The following ZFHX4 variants were observed in gnomAD, a reference collection of about 807,000 sequenced individuals.
The protein encoded by ZFHX4 is zinc finger homeobox 4.
A neutral mutation model predicts 267.6 loss-of-function variants in ZFHX4; 56 were observed. The ratio of observed to expected loss-of-function variants is 0.21; its 90% CI spans 0.17 to 0.26. The LOEUF (loss-of-function observed/expected upper bound fraction) is 0.26, where lower values mean the gene tolerates loss of function less well. Ranked by LOEUF, ZFHX4 falls within the 10% of genes least tolerant of loss-of-function variation. The pLI, the probability that ZFHX4 is intolerant of heterozygous loss-of-function variation, is 1.00. For synonymous variants in ZFHX4, 1,778 were observed against 1,665.6 expected (o/e 1.07, Z -1.64); for missense variants, 4,332 against 4,420.0 (o/e 0.98, Z 0.56).
At chr8:76,734,477 C>G (rs888292773) in intron 3 of ZFHX4, among the ~76,000 whole-genome samples, 3 of 152,096 alleles carry the variant, frequency 2.0e-5, no homozygotes, top group Non-Finnish European at 4.4e-5. Flanking sequence ...GTAATTTGCA[C>G]TGACATTTGA....
intron 4 of ZFHX4, among the ~76,000 whole-genome samples, chr8:76,798,885 C>T (rs532856160): frequency 1.3e-5 from 2 of 152,204 alleles, no homozygotes; most frequent in East Asian, 3.9e-4. Flanking sequence ...CGGTGTCATA[C>T]TTACAGCAGA....
Position 76,835,227 on chromosome 8 carries a change from A to G in ZFHX4, c.3394+1821A>G, listed in dbSNP as rs1015162726. 2.4e-4 allele frequency among the ~76,000 whole-genome samples: 14 copies of G among 59,084 alleles called. 1 individual carries two copies. Among genetic ancestry groups the G allele is most frequent in the African/African-American group, 1.1e-3 (12 of 10,758 alleles). 38.8% of individuals were successfully genotyped at this position (59,084 alleles called of 152,430 possible). A position where few individuals can be genotyped will look rare whatever the true frequency, so the allele number is the denominator to read the frequency against. On this transcript the variant is annotated intron_variant, in intron 5 of 10. Coordinates refer to ENST00000651372, the MANE Select transcript of ZFHX4 (RefSeq NM_024721.5). The stretch of plus-strand genomic sequence containing the variant: ...CTTTGGTGTATATATATGTATATAT[A>G]TATATATATATATGTATATATATAT...
intron 4 of ZFHX4, among the ~76,000 whole-genome samples, chr8:76,785,316 G>A (rs1482309659): frequency 6.6e-6 from 1 of 151,968 alleles, no homozygotes; most frequent in Non-Finnish European, 1.5e-5. Context: ...TATTTTGAAA[G>A]ATATTTATTC....
chr8:76,688,002 C>T (rs1807734854), intron 1 of ZFHX4, among the ~76,000 whole-genome samples: 1 of 152,154 alleles, frequency 6.6e-6, no homozygotes, highest in African/African-American at 2.4e-5. Flanking sequence ...AGAAAACAAG[C>T]AGGGGCTCAG....
intron 4 of ZFHX4, among the ~76,000 whole-genome samples, chr8:76,784,341 G>T (rs752540917): frequency 2.6e-5 from 4 of 151,672 alleles, no homozygotes; most frequent in African/African-American, 4.8e-5. Context: ...CTCAGTAAAT[G>T]TAAAAAAAAA....
At chr8:76,730,076 C>T (rs1324547569) in intron 3 of ZFHX4, among the ~76,000 whole-genome samples, 1 of 152,108 alleles carries the variant, frequency 6.6e-6, no homozygotes, top group East Asian at 1.9e-4. Flanking sequence ...AAGTAATTTA[C>T]TTCTGGAATA....
intron 4 of ZFHX4, among the ~76,000 whole-genome samples, chr8:76,795,390 A>C (rs890993991): frequency 6.6e-6 from 1 of 151,926 alleles, no homozygotes; most frequent in Non-Finnish European, 1.5e-5. Context: ...CCTATTGCCT[A>C]AGCCACCTGA....
At chr8:76,797,401 C>T (rs1271037650) in intron 4 of ZFHX4, among the ~76,000 whole-genome samples, 1 of 151,972 alleles carries the variant, frequency 6.6e-6, no homozygotes, top group East Asian at 1.9e-4. Flanking sequence ...TCTGGAAATG[C>T]AGAATGAATC....
At chr8:76,748,520 C>T (rs151007731) in intron 3 of ZFHX4, among the ~76,000 whole-genome samples, 4 of 152,268 alleles carry the variant, frequency 2.6e-5, no homozygotes, top group African/African-American at 9.6e-5. Context: ...CTGTAGCCTC[C>T]AAGTCCTGGA....
rs768065762 is a variant in ZFHX4, at chr8:76,852,156, G to A, written c.5235G>A (p.Gly1745=). The change falls in exon 10 of 11, where the codon GGG becomes GGA. Residue 1745 remains glycine, a synonymous_variant. Coordinates refer to ENST00000651372, the MANE Select transcript of ZFHX4 (RefSeq NM_024721.5). Reference sequence around the variant, plus strand: ...TTCTCTTTCCATTTTATATACCTGGGACGGAGTTCAGCTTGGGGCCAGATT... The same window carrying A: ...TTCTCTTTCCATTTTATATACCTGGAACGGAGTTCAGCTTGGGGCCAGATT... ...PQFLFPFYIP[G]TEFSLGPDLG... 1.4e-5 allele frequency: 22 copies of A among 1,613,796 alleles called. 1 individual carries two copies. Among genetic ancestry groups the A allele is most frequent in the Middle Eastern group, 1.6e-4 (1 of 6,084 alleles).
intron 6 of ZFHX4, among the ~76,000 whole-genome samples, chr8:76,848,115 A>G (rs989446676): frequency 4.6e-5 from 7 of 152,300 alleles, no homozygotes; most frequent in Middle Eastern, 3.4e-3. Flanking sequence ...ATGCCATGCT[A>G]TGATGAGATT....
intron 1 of ZFHX4, among the ~76,000 whole-genome samples, chr8:76,703,089 G>T (rs186068194): frequency 1.0e-3 from 155 of 152,004 alleles, no homozygotes; most frequent in Non-Finnish European, 7.4e-4. Context: ...AGTGCATCTT[G>T]TCCTCAACAA....
At chr8:76,750,703 C>G in intron 3 of ZFHX4, among the ~76,000 whole-genome samples, 1 of 152,062 alleles carries the variant, frequency 6.6e-6, no homozygotes, top group Admixed American at 6.5e-5. Context: ...TTCCATTACC[C>G]ATAGTTCTTC....
At chr8:76,799,668 A>T (rs1811068211) in intron 4 of ZFHX4, among the ~76,000 whole-genome samples, 1 of 152,196 alleles carries the variant, frequency 6.6e-6, no homozygotes, top group Non-Finnish European at 1.5e-5. Flanking sequence ...ACTAAGTGGT[A>T]TTTTGATGCT....
chr8:76,720,025 C>A (rs1166720577), intron 3 of ZFHX4, among the ~76,000 whole-genome samples: 1 of 152,096 alleles, frequency 6.6e-6, no homozygotes, highest in African/African-American at 2.4e-5. Context: ...AATTCATATG[C>A]CATTCAACTA....
chr8:76,724,870 T>C lies in ZFHX4; in HGVS notation c.3093+16822T>C, dbSNP rs181729731. 3.2e-3 allele frequency among the ~76,000 whole-genome samples: 494 copies of C among 152,206 alleles called. 3 individuals are homozygous for C. The highest frequency in any genetic ancestry group is 4.1e-3 in the Admixed American group (62 of 15,262). On this transcript the variant is annotated intron_variant, in intron 3 of 10. Coordinates refer to ENST00000651372, the MANE Select transcript of ZFHX4 (RefSeq NM_024721.5). ...CATGCTCATTTGTAACTCACTGTAA[T>C]GATTCTTCAGTTTTTCATTTCCTTG...
At chr8:76,843,596 C>T (rs1812292081) in intron 6 of ZFHX4, among the ~76,000 whole-genome samples, 1 of 152,162 alleles carries the variant, frequency 6.6e-6, no homozygotes, top group South Asian at 2.1e-4. Context: ...ATGAATATTA[C>T]ATTGGCTACT....
intron 6 of ZFHX4, among the ~76,000 whole-genome samples, chr8:76,846,295 A>G (rs1339252041): frequency 6.6e-6 from 1 of 152,170 alleles, no homozygotes; most frequent in East Asian, 1.9e-4. Flanking sequence ...AATATTCTCT[A>G]CTTCCTCTTA....
intron 4 of ZFHX4, among the ~76,000 whole-genome samples, chr8:76,809,591 C>T (rs1811325461): frequency 6.6e-6 from 1 of 152,126 alleles, no homozygotes; most frequent in Non-Finnish European, 1.5e-5. Context: ...AGTCTAAAAA[C>T]TGTAGAACCA....
Sources: gnomAD v4.1 joint callset for allele counts (sites outside exome capture counted in the v4.1 genomes callset) on GRCh38, gnomAD v4.1.1 for gene constraint, MANE v1.5 for transcripts, NCBI Gene and HGNC (gene_info 2026-07-23, HGNC 2026-07-21) for gene names.